Variants in RGS6 observed in about 807,000 individuals in gnomAD.
The protein encoded by RGS6 is regulator of G protein signaling 6.
Under a neutral mutation model 78.5 loss-of-function variants are expected in RGS6, and 30 were observed. The observed-to-expected ratio is 0.38, with a 90% CI of 0.29 to 0.52. The LOEUF is 0.52. Ranked by LOEUF, RGS6 falls within the 20% of genes least tolerant of loss-of-function variation. The pLI, the probability that RGS6 is intolerant of heterozygous loss-of-function variation, is 0.85. For missense variants in RGS6, 495 were observed against 609.7 expected (o/e 0.81, Z 1.98); for synonymous variants, 206 against 206.0 (o/e 1.00, Z 0.00).
rs1263890483 is a variant in RGS6, at chr14:72,459,667, T to G, written c.378T>G (p.Pro126=). 1 of 1,614,012 alleles carries G rather than the reference T, an allele frequency of 6.2e-7. No individual in the cohort carries two copies. The highest frequency in any genetic ancestry group is 1.3e-5 in the African/African-American group (1 of 74,908). ...PYFWPSNCWE[P]ENTDYAIYLC... ...TCTGGCCTTCGAACTGCTGGGAACC[T>G]GAAAACACTGACTATGGTGAGAACT... Residue 126 remains proline, a synonymous_variant, in exon 6 of 18, where the codon CCT becomes CCG. Transcript: ENST00000553525.
chr14:72,278,896 C>G (rs886528233), intron 2 of RGS6, among the ~76,000 whole-genome samples: 1 of 152,036 alleles, frequency 6.6e-6, no homozygotes, highest in African/African-American at 2.4e-5. Flanking sequence ...TCTGGTGATT[C>G]CCCACTTCCT....
the RGS6 span, among the ~76,000 whole-genome samples, chr14:72,575,879 G>A: frequency 2.6e-5 from 4 of 152,190 alleles, no homozygotes; most frequent in Non-Finnish European, 5.9e-5. Flanking sequence ...GCCCCAGATC[G>A]ACTTGCTTTC....
intron 2 of RGS6, among the ~76,000 whole-genome samples, chr14:71,968,646 A>G (rs1290645768): frequency 6.6e-6 from 1 of 152,172 alleles, no homozygotes; most frequent in African/African-American, 2.4e-5. Flanking sequence ...GGCCACTCCA[A>G]TCAGTTGCCT....
chr14:72,579,059 C>T, the RGS6 span, among the ~76,000 whole-genome samples: 4 of 152,202 alleles, frequency 2.6e-5, no homozygotes, highest in Non-Finnish European at 5.9e-5. Flanking sequence ...CCTCTAGCTA[C>T]TCCTTCTACT....
chr14:72,610,806 CCCA>C, the RGS6 span, among the ~76,000 whole-genome samples: 1 of 152,176 alleles, frequency 6.6e-6, no homozygotes, highest in Non-Finnish European at 1.5e-5. Context: ...GGGCTCAGGG[CCCA>C]CCACTGGCTG....
intron 3 of RGS6, among the ~76,000 whole-genome samples, chr14:72,409,545 G>A (rs2093230080): frequency 6.6e-6 from 1 of 150,950 alleles, no homozygotes; most frequent in Admixed American, 6.6e-5. Flanking sequence ...CTACAAAGTG[G>A]CAACTGCCTA....
chr14:72,434,643 C>T (rs532581159), intron 3 of RGS6, among the ~76,000 whole-genome samples: 2 of 152,300 alleles, frequency 1.3e-5, no homozygotes, highest in South Asian at 4.2e-4. Flanking sequence ...TGGTTTCAAG[C>T]CCCTGGAGTG....
chr14:72,387,690 T>A (rs2088658661), intron 3 of RGS6, among the ~76,000 whole-genome samples: 1 of 152,218 alleles, frequency 6.6e-6, no homozygotes, highest in South Asian at 2.1e-4. Flanking sequence ...CTTCCACAAA[T>A]GTGAGTATAA....
intron 2 of RGS6, among the ~76,000 whole-genome samples, chr14:72,052,476 C>T (rs573676342): frequency 6.6e-6 from 1 of 152,296 alleles, no homozygotes; most frequent in South Asian, 2.1e-4. Context: ...TCTCTTGCTG[C>T]AGTGATGAGA....
chr14:72,376,714 C>T (rs971705434), intron 3 of RGS6, among the ~76,000 whole-genome samples: 1 of 152,070 alleles, frequency 6.6e-6, no homozygotes, highest in African/African-American at 2.4e-5. Flanking sequence ...ACTTGCCATT[C>T]AATATTATGC....
chr14:72,440,950 C>T (rs548321758), intron 3 of RGS6, among the ~76,000 whole-genome samples: 5 of 148,662 alleles, frequency 3.4e-5, no homozygotes, highest in African/African-American at 9.7e-5. Flanking sequence ...TGCATGCATG[C>T]ATGAGTTGTA....
intron 2 of RGS6, among the ~76,000 whole-genome samples, chr14:72,334,227 G>C (rs1269503526): frequency 6.6e-6 from 1 of 152,260 alleles, no homozygotes; most frequent in Non-Finnish European, 1.5e-5. Flanking sequence ...GTGCTGCAAA[G>C]CCAGGAGCCC....
chr14:71,900,310 A>G, the RGS6 span, among the ~76,000 whole-genome samples: 45 of 152,230 alleles, frequency 3.0e-4, 1 homozygote, highest in African/African-American at 9.1e-4. Flanking sequence ...CACATTTTGT[A>G]TAATTACCGC....
chr14:72,433,359 G>A (rs1408351224), intron 3 of RGS6, among the ~76,000 whole-genome samples: 1 of 152,016 alleles, frequency 6.6e-6, no homozygotes, highest in Non-Finnish European at 1.5e-5. Flanking sequence ...GGGAGGGAGA[G>A]CATTAGGAAA....
chr14:72,232,698 T>A (rs905649463), intron 2 of RGS6, among the ~76,000 whole-genome samples: 3 of 152,130 alleles, frequency 2.0e-5, no homozygotes, highest in African/African-American at 7.2e-5. Context: ...GGGGTAGGAA[T>A]GCTGGGGACC....
At chr14:72,387,443 G>C (rs1656821759) in intron 3 of RGS6, among the ~76,000 whole-genome samples, 1 of 152,010 alleles carries the variant, frequency 6.6e-6, no homozygotes, top group Admixed American at 6.5e-5. Context: ...CAGCTACCTG[G>C]GAGGCTGAGG....
the RGS6 span, among the ~76,000 whole-genome samples, chr14:72,601,475 CTCT>C: frequency 5.3e-5 from 8 of 152,226 alleles, no homozygotes; most frequent in African/African-American, 1.7e-4. Flanking sequence ...GCACTCCTGC[CTCT>C]TCTTCTAAAA....
Position 72,316,478 on chromosome 14 carries a change from C to T in RGS6, c.85-35617C>T, listed in dbSNP as rs567031102. ...TTCGTGTCCCACCTATGAGTGAGAACATGCGGTGTTTGGTTTTCTGTCCTT... is the reference window on the plus strand; with the variant it reads ...TTCGTGTCCCACCTATGAGTGAGAATATGCGGTGTTTGGTTTTCTGTCCTT... On this transcript the variant is annotated intron_variant, in intron 2 of 17. Transcript: ENST00000553525. 7.1e-4 allele frequency among the ~76,000 whole-genome samples: 108 copies of T among 152,266 alleles called. 2 individuals are homozygous for T. Among genetic ancestry groups the T allele is most frequent in the Middle Eastern group, 3.4e-3 (1 of 294 alleles).
At chr14:72,591,823 G>A in the RGS6 span, among the ~76,000 whole-genome samples, 1 of 152,332 alleles carries the variant, frequency 6.6e-6, no homozygotes, top group South Asian at 2.1e-4. Context: ...CATCTAGCCT[G>A]AAGGGTTGGG....
Sources: allele counts gnomAD v4.1 joint callset (sites outside exome capture counted in the v4.1 genomes callset), GRCh38; gene constraint gnomAD v4.1.1; transcripts MANE v1.5; gene names NCBI Gene and HGNC (gene_info 2026-07-23, HGNC 2026-07-21).